The following ETV1 variants were observed in gnomAD, a reference collection of about 807,000 sequenced individuals.
ETV1 encodes ETS translocation variant 1.
A neutral mutation model predicts 62.3 loss-of-function variants in ETV1; 27 were observed. The observed-to-expected ratio is 0.43, with a 90% confidence interval of 0.32 to 0.60. The LOEUF (loss-of-function observed/expected upper bound fraction) is 0.60. Among genes scored for constraint, ETV1 ranks in the 20% least tolerant of loss-of-function variants. ETV1 has a pLI of 0.06. For synonymous variants in ETV1, 222 were observed against 199.6 expected, an observed-to-expected ratio of 1.11 and a Z score of -0.94; for missense variants, 605 against 605.8, an observed-to-expected ratio of 1.00 and a Z score of 0.01.
intron 9 of ETV1, among the ~76,000 whole-genome samples, chr7:13,914,048 T>C (rs998371441): frequency 2.5e-4 from 38 of 152,096 alleles, no homozygotes; most frequent in African/African-American, 8.2e-4. Context: ...CATGCCTGGC[T>C]AATTTTTTGT....
intron 7 of ETV1, among the ~76,000 whole-genome samples, chr7:13,936,906 G>T (rs1021258147): frequency 6.6e-6 from 1 of 152,056 alleles, no homozygotes; most frequent in Non-Finnish European, 1.5e-5. Flanking sequence ...GCTGGGCGTG[G>T]TGATGCATGT....
rs550038245 is a variant in ETV1, at chr7:13,976,485, A to G, written c.235+942T>C. Reference sequence around the variant, plus strand: ...ACCCTCTACGCCTGAGAAATTTAACATATCAAACATAAATGCTGAAAACAC... The same window carrying G: ...ACCCTCTACGCCTGAGAAATTTAACGTATCAAACATAAATGCTGAAAACAC... On this transcript the variant is annotated intron_variant, in intron 6 of 13. Transcript: ENST00000430479. 5.9e-5 allele frequency among the ~76,000 whole-genome samples: 9 copies of G among 152,346 alleles called. No homozygotes were observed. The South Asian group carries it at 1.5e-3, about 25-fold the overall frequency.
rs76169013 is a variant in ETV1 at position 13,893,000 on chromosome 7, G to A, written c.*2866C>T. The A allele has an allele frequency of 0.012, 2,817 of 232,598 alleles. 215 individuals carry two copies. In the East Asian group the frequency reaches 0.15, roughly 13 times the overall value. 14.4% of individuals were successfully genotyped at this position (232,598 alleles called of 1,614,324 possible). A position where few individuals can be genotyped will look rare whatever the true frequency, so the allele number is the denominator to read the frequency against. On this transcript the variant is annotated 3_prime_UTR_variant, in exon 14 of 14. Coordinates refer to ENST00000430479, the MANE Select transcript of ETV1 (RefSeq NM_004956.5). Reference sequence around the variant, plus strand: ...ACGGGAAACTAGACCTCCAAGATCCGCCCATGATTTGAGAAAAATGTTCTG... The same window carrying A: ...ACGGGAAACTAGACCTCCAAGATCCACCCATGATTTGAGAAAAATGTTCTG...
intron 6 of ETV1, among the ~76,000 whole-genome samples, chr7:13,945,111 C>T (rs1406630979): frequency 6.6e-6 from 1 of 152,134 alleles, no homozygotes; most frequent in Non-Finnish European, 1.5e-5. Context: ...TACTTTGTTA[C>T]AGCAGCTCGA....
intron 9 of ETV1, among the ~76,000 whole-genome samples, chr7:13,931,226 T>C (rs1786108154): frequency 6.6e-6 from 1 of 152,186 alleles, no homozygotes; most frequent in African/African-American, 2.4e-5. Flanking sequence ...AAAATTGCAA[T>C]GTCCCTCTCG....
Position 13,891,911 on chromosome 7 carries a change from A to T in ETV1, c.*3955T>A, listed in dbSNP as rs1014679664. 2 of 231,528 alleles carry T rather than the reference A, an allele frequency of 8.6e-6. No homozygotes were observed. The highest frequency in any genetic ancestry group is 1.7e-5 in the Non-Finnish European group (2 of 117,126). The allele number at this position is 231,528 out of a possible 1,614,324, so 14.3% of individuals were successfully genotyped here. The stretch of plus-strand genomic sequence containing the variant: ...TTTTCTAGGATTCCAAGTAACAAAC[A>T]TCCAAATGACCTTCTCCTCTGTAAT... On this transcript the variant is annotated 3_prime_UTR_variant, in exon 14 of 14. Transcript: ENST00000430479.
intron 9 of ETV1, among the ~76,000 whole-genome samples, chr7:13,914,472 C>A (rs1164772995): frequency 6.6e-6 from 1 of 151,616 alleles, no homozygotes; most frequent in Admixed American, 6.6e-5. Flanking sequence ...GCAACAAAGC[C>A]CTGTTGTCAT....
At chr7:13,935,317 C>G (rs190442697) in intron 8 of ETV1, among the ~76,000 whole-genome samples, 1 of 152,068 alleles carries the variant, frequency 6.6e-6, no homozygotes, top group Non-Finnish European at 1.5e-5. Context: ...GGTAGAAAAC[C>G]TAATTCCATA....
At chr7:13,926,423 T>A (rs1785432335) in intron 9 of ETV1, among the ~76,000 whole-genome samples, 1 of 152,196 alleles carries the variant, frequency 6.6e-6, no homozygotes, top group Non-Finnish European at 1.5e-5. Flanking sequence ...GCTATAAACA[T>A]CTAAAATATT....
intron 5 of ETV1, among the ~76,000 whole-genome samples, chr7:13,980,551 C>T (rs887952518): frequency 1.3e-5 from 2 of 151,784 alleles, no homozygotes; most frequent in Non-Finnish European, 2.9e-5. Flanking sequence ...TAATTAAAGA[C>T]GAAGGGGAAG....
intron 9 of ETV1, 93 bp from the exon 10 acceptor site, chr7:13,911,400 C>A: frequency 1.3e-6 from 1 of 798,738 alleles, no homozygotes; most frequent in Non-Finnish European, 2.1e-6. Flanking sequence ...GATACAGAAA[C>A]GGACACAGGT....
intron 7 of ETV1, among the ~76,000 whole-genome samples, chr7:13,938,808 G>A (rs1233435863): frequency 2.0e-5 from 3 of 152,108 alleles, no homozygotes; most frequent in Non-Finnish European, 4.4e-5. Context: ...AGTGTATAAT[G>A]CATTCATTCT....
At chr7:13,911,358 CGG>C in intron 9 of ETV1, 51 bp from the exon 10 acceptor site, 1 of 1,316,506 alleles carries the variant, frequency 7.6e-7, no homozygotes, top group Non-Finnish European at 1.1e-6. Context: ...TGAAACGCTG[CGG>C]TTATCAATGG....
chr7:13,929,681 A>C (rs973927847), intron 9 of ETV1, among the ~76,000 whole-genome samples: 3 of 152,208 alleles, frequency 2.0e-5, no homozygotes, highest in African/African-American at 7.2e-5. Flanking sequence ...CTGGTTTCAG[A>C]AAACAGGGCC....
chr7:13,901,635 T>C (rs1243081236), intron 12 of ETV1, among the ~76,000 whole-genome samples: 1 of 152,190 alleles, frequency 6.6e-6, no homozygotes. Context: ...AGTGACAATG[T>C]GTGTAGCAGA....
intron 5 of ETV1, 177 bp downstream of exon 5, chr7:13,986,461 C>A: frequency 6.6e-7 from 1 of 1,503,774 alleles, no homozygotes; most frequent in Non-Finnish European, 8.8e-7. Context: ...CTGGGTAGTA[C>A]AGCCCCAGAG....
chr7:13,957,481 A>G lies in ETV1; in HGVS notation c.236-18235T>C, dbSNP rs544894850. On this transcript the variant is annotated intron_variant, in intron 6 of 13. Coordinates refer to ENST00000430479, the MANE Select transcript of ETV1 (RefSeq NM_004956.5). ...AGATCACAAATCAATTATAGGGATA[A>G]TCATTTTTCCATAACTTGGTGATCA... Among the ~76,000 whole-genome samples, 4 of 152,360 alleles carry G rather than the reference A, an allele frequency of 2.6e-5. No homozygotes were observed. In the East Asian group the frequency reaches 7.7e-4, roughly 29 times the overall value.
intron 5 of ETV1, among the ~76,000 whole-genome samples, chr7:13,977,944 G>A (rs1781616311): frequency 6.6e-6 from 1 of 152,024 alleles, no homozygotes; most frequent in African/African-American, 2.4e-5. Context: ...ACGTCTGCTG[G>A]TATGTTCTCT....
At chr7:13,934,916 C>T (rs189336635) in intron 8 of ETV1, among the ~76,000 whole-genome samples, 132 of 152,190 alleles carry the variant, frequency 8.7e-4, no homozygotes, top group African/African-American at 3.0e-3. Flanking sequence ...TTTACCAGCA[C>T]GCCACTGCAT....
Sources: gnomAD v4.1 joint callset for allele counts (sites outside exome capture counted in the v4.1 genomes callset) on GRCh38, gnomAD v4.1.1 for gene constraint, MANE v1.5 for transcripts, NCBI Gene and HGNC (gene_info 2026-07-23, HGNC 2026-07-21) for gene names.